The following IL3RA variants were observed in gnomAD, a reference collection of about 807,000 sequenced individuals.
IL3RA encodes the protein interleukin-3 receptor subunit alpha.
IL3RA carries 73 observed loss-of-function variants against 52.3 expected under a neutral mutation model. The ratio of observed to expected loss-of-function variants is 1.40; its 90% CI spans 1.16 to 1.70. IL3RA has a LOEUF of 1.70. Ranked by LOEUF, IL3RA falls within the 40% of genes most tolerant of loss-of-function variation. IL3RA has a pLI of 0.00. For missense variants in IL3RA, 664 were observed against 504.4 expected, an observed-to-expected ratio of 1.32 and a Z score of -3.03; for synonymous variants, 260 against 194.0, an observed-to-expected ratio of 1.34 and a Z score of -2.83.
chrX:1,379,448 A>C lies in IL3RA; in HGVS notation c.980+684A>C, dbSNP rs186702672. ...TGGGATTACAGGCGTGAGCCACCGC[A>C]CCTGGCCCCTTGAGAATTATTCACA... On this transcript the variant is annotated intron_variant, in intron 10 of 11. Transcript: ENST00000331035. 2.1e-3 allele frequency among the ~76,000 whole-genome samples: 313 copies of C among 151,352 alleles called. 2 individuals are homozygous for C. Among genetic ancestry groups the C allele is most frequent in the African/African-American group, 6.7e-3 (274 of 41,202 alleles).
intron 8 of IL3RA, 138 bp from the exon 9 acceptor site, chrX:1,365,000 G>C: frequency 1.7e-6 from 1 of 585,662 alleles, no homozygotes; most frequent in East Asian, 2.9e-5. Context: ...GTAGAGACAG[G>C]GTTTCACCAT....
At chrX:1,346,210 G>A (rs17883820) in intron 3 of IL3RA, among the ~76,000 whole-genome samples, 4,921 of 151,918 alleles carry the variant, frequency 0.032, 145 homozygotes, top group Non-Finnish European at 0.054. Flanking sequence ...AGGCTGAGGC[G>A]GATGGATCAC....
intron 1 of IL3RA, among the ~76,000 whole-genome samples, chrX:1,340,744 G>A (rs1291691305): frequency 1.4e-4 from 22 of 152,112 alleles, no homozygotes; most frequent in African/African-American, 5.1e-4. Flanking sequence ...TCAGCACTTG[G>A]CGAGGAAAAG....
intron 10 of IL3RA, among the ~76,000 whole-genome samples, chrX:1,380,290 A>G (rs1438654270): frequency 6.7e-6 from 1 of 149,148 alleles, no homozygotes; most frequent in African/African-American, 2.5e-5. Context: ...GGCCTCCCAA[A>G]GTGCTGGCAT....
rs189574806 is a variant in IL3RA, at chrX:1,348,121, C to T, written c.184-310C>T. Among the ~76,000 whole-genome samples the T allele has an allele frequency of 1.6e-3, 237 of 149,782 alleles. 4 individuals are homozygous for T. Among genetic ancestry groups the T allele is most frequent in the African/African-American group, 5.4e-3 (220 of 40,376 alleles). ...CAGCACTTTGGGAGGCTGAGGCAGG[C>T]GGATCACATGAGGTCAGGAGTTCGA... On this transcript the variant is annotated intron_variant, in intron 3 of 11. Transcript: ENST00000331035.
intron 2 of IL3RA, among the ~76,000 whole-genome samples, chrX:1,343,468 C>T (rs1393822847): frequency 2.0e-5 from 3 of 151,262 alleles, no homozygotes; most frequent in Non-Finnish European, 4.4e-5. Context: ...AGTTCAAAAC[C>T]AGCTTGGCCA....
chrX:1,366,344 C>G (rs868632347), intron 9 of IL3RA, among the ~76,000 whole-genome samples: 270 of 11,598 alleles, frequency 0.023, no homozygotes, highest in Admixed American at 0.031. Flanking sequence ...CGGGGTGAGC[C>G]GGGTGCGCGG....
At position 1,351,846 on chromosome X, in the gene IL3RA, T is replaced by G. The variant is rs2086099015; in HGVS notation, c.299-254T>G. 2.0e-5 allele frequency among the ~76,000 whole-genome samples: 3 copies of G among 151,720 alleles called. No individual in the cohort carries two copies. The South Asian group carries it at 6.2e-4, about 32-fold the overall frequency. ...GGTTTCACCATGTTAGCCAGGCTGG[T>G]CTCGAACTCCGGACCTCGGGTGATC... On this transcript the variant is annotated intron_variant, in intron 4 of 11. Transcript: ENST00000331035.
At chrX:1,344,343 A>G (rs1355649332) in intron 2 of IL3RA, among the ~76,000 whole-genome samples, 1 of 151,858 alleles carries the variant, frequency 6.6e-6, no homozygotes, top group Non-Finnish European at 1.5e-5. Context: ...CTGACACAGG[A>G]TAATCGCTTG....
chrX:1,378,507 C>T, intron 9 of IL3RA, 152 bp from the exon 10 acceptor site: 2 of 649,688 alleles, frequency 3.1e-6, no homozygotes, highest in Admixed American at 2.7e-5. Flanking sequence ...GTCACGGTCT[C>T]TGTGCAGGTG....
At chrX:1,366,422 C>A (rs867803599) in intron 9 of IL3RA, among the ~76,000 whole-genome samples, 2 of 15,292 alleles carry the variant, frequency 1.3e-4, no homozygotes, top group African/African-American at 4.8e-4. Flanking sequence ...GAGCGGGGTG[C>A]GCGGGGTGAG....
chrX:1,347,604 A>C (rs2085807709), intron 3 of IL3RA, among the ~76,000 whole-genome samples: 1 of 151,514 alleles, frequency 6.6e-6, no homozygotes, highest in African/African-American at 2.4e-5. Context: ...GGGCAAGCGG[A>C]GTGAGGCCCT....
intron 7 of IL3RA, among the ~76,000 whole-genome samples, chrX:1,357,701 A>G (rs776143229): frequency 1.3e-5 from 2 of 151,894 alleles, no homozygotes; most frequent in Admixed American, 6.6e-5. Flanking sequence ...ATTATTTCAT[A>G]TGCAATTTTT....
At chrX:1,363,073 G>A (rs1345279151) in intron 8 of IL3RA, among the ~76,000 whole-genome samples, 1 of 151,928 alleles carries the variant, frequency 6.6e-6, no homozygotes. Context: ...ACCGCGCCCG[G>A]CCACGTCTCC....
At chrX:1,377,248 T>C (rs2088826341) in intron 9 of IL3RA, among the ~76,000 whole-genome samples, 1 of 152,272 alleles carries the variant, frequency 6.6e-6, no homozygotes, top group East Asian at 1.9e-4. Flanking sequence ...TTCTTTTTTT[T>C]CCTCTTTTTC....
At chrX:1,361,913 G>A (rs139713869) in intron 8 of IL3RA, among the ~76,000 whole-genome samples, 3,194 of 151,976 alleles carry the variant, frequency 0.021, 121 homozygotes, top group African/African-American at 0.074. Flanking sequence ...ACAACACGTG[G>A]GAGTTATAAG....
chrX:1,352,600 C>T (rs1355624415), intron 6 of IL3RA, 94 bp downstream of exon 6: 92 of 1,305,478 alleles, frequency 7.0e-5, no homozygotes, highest in South Asian at 1.2e-4. Context: ...TGGCTCCCAA[C>T]GCAGACGTTG....
chrX:1,358,875 A>G lies in IL3RA; in HGVS notation c.747A>G (p.Val249=). 4 of 1,613,364 alleles carry G rather than the reference A, an allele frequency of 2.5e-6. No homozygotes were observed. Among genetic ancestry groups the G allele is most frequent in the Non-Finnish European group, 3.4e-6 (4 of 1,179,632 alleles). The change falls in exon 8 of 12, where the codon GTA becomes GTG. Residue 249 remains valine (V), a synonymous_variant. Coordinates refer to ENST00000331035, the MANE Select transcript of IL3RA (RefSeq NM_002183.4). ...ELQIQKRMQP[V]ITEQVRDRTS... ...TTGTGTTGCAGAGAATGCAGCCTGT[A>G]ATCACAGAACAGGTGAGTGTTCCCT...
At chrX:1,337,818 T>C (rs1329279331) in intron 1 of IL3RA, among the ~76,000 whole-genome samples, 1 of 149,554 alleles carries the variant, frequency 6.7e-6, no homozygotes, top group African/African-American at 2.5e-5. Context: ...TACACAGCCA[T>C]GAAAAGGAAC....
Sources: gnomAD v4.1 joint callset for allele counts (sites outside exome capture counted in the v4.1 genomes callset) on GRCh38, gnomAD v4.1.1 for gene constraint, MANE v1.5 for transcripts, NCBI Gene and HGNC (gene_info 2026-07-23, HGNC 2026-07-21) for gene names.